The following FHIT variants were observed in gnomAD, a reference collection of about 807,000 sequenced individuals.
The protein encoded by FHIT is fragile histidine triad diadenosine triphosphatase.
Under a neutral mutation model 17.9 loss-of-function variants are expected in FHIT, and 19 were observed. The ratio of observed to expected loss-of-function variants is 1.06; its 90% CI spans 0.74 to 1.56. The LOEUF (loss-of-function observed/expected upper bound fraction) is 1.56, where lower values mean the gene tolerates loss of function less well. Ranked by LOEUF, FHIT falls within the 40% of genes most tolerant of loss-of-function variation. FHIT has a pLI of 0.00. For synonymous variants in FHIT, 81 were observed against 69.7 expected, an observed-to-expected ratio of 1.16 and a Z score of -0.81; for missense variants, 248 against 189.2, an observed-to-expected ratio of 1.31 and a Z score of -1.82.
chr3:60,071,044 C>T (rs1011382723), intron 5 of FHIT, among the ~76,000 whole-genome samples: 4 of 152,182 alleles, frequency 2.6e-5, no homozygotes, highest in Non-Finnish European at 5.9e-5. Flanking sequence ...GTCAGCAAAG[C>T]CCCTTCTTAT....
At chr3:61,027,881 A>C (rs138115379) in intron 3 of FHIT, among the ~76,000 whole-genome samples, 276 of 152,312 alleles carry the variant, frequency 1.8e-3, no homozygotes, top group African/African-American at 6.5e-3. Flanking sequence ...CCTTTATATC[A>C]GTAAAATTAA....
chr3:60,664,569 C>T (rs1271721729), intron 4 of FHIT, among the ~76,000 whole-genome samples: 2 of 151,508 alleles, frequency 1.3e-5, no homozygotes, highest in African/African-American at 2.4e-5. Flanking sequence ...TTTTTTTTAA[C>T]ATTTGGTATA....
chr3:59,749,835 T>G (rs1700789650), intron 9 of FHIT: 1 of 223,808 alleles, frequency 4.5e-6, no homozygotes, highest in Non-Finnish European at 8.9e-6. Context: ...GAGGTATAGT[T>G]AGTCCCATTA....
chr3:60,063,280 G>A (rs781677021), intron 5 of FHIT, among the ~76,000 whole-genome samples: 16 of 151,986 alleles, frequency 1.1e-4, no homozygotes, highest in African/African-American at 2.9e-4. Flanking sequence ...CTGGCAATAC[G>A]GTAAATTTTT....
intron 2 of FHIT, among the ~76,000 whole-genome samples, chr3:61,185,549 A>C (rs1323508553): frequency 2.0e-5 from 3 of 152,168 alleles, no homozygotes; most frequent in Non-Finnish European, 4.4e-5. Context: ...ATCCCAGCCT[A>C]AGGATCCCAT....
At chr3:60,529,803 T>C (rs899765926) in intron 5 of FHIT, among the ~76,000 whole-genome samples, 1 of 152,202 alleles carries the variant, frequency 6.6e-6, no homozygotes, top group Admixed American at 6.5e-5. Context: ...TAAGAAATAT[T>C]TGAAGTGTTG....
intron 3 of FHIT, among the ~76,000 whole-genome samples, chr3:60,840,133 A>C (rs1199809521): frequency 2.0e-5 from 3 of 152,106 alleles, no homozygotes; most frequent in Non-Finnish European, 4.4e-5. Context: ...AAAACAGAAA[A>C]ACAAGCATGA....
chr3:60,289,140 GAAGAAT>G (rs1707863629), intron 5 of FHIT, among the ~76,000 whole-genome samples: 1 of 152,140 alleles, frequency 6.6e-6, no homozygotes, highest in South Asian at 2.1e-4. Context: ...GAGGAGGAAA[GAAGAAT>G]AAGAAGACCA....
At chr3:59,757,254 A>G (rs976468261) in intron 8 of FHIT, among the ~76,000 whole-genome samples, 1 of 152,196 alleles carries the variant, frequency 6.6e-6, no homozygotes, top group African/African-American at 2.4e-5. Context: ...ATTCACATTC[A>G]ACAGACTGAA....
At chr3:60,906,225 T>C (rs1466579715) in intron 3 of FHIT, among the ~76,000 whole-genome samples, 1 of 150,860 alleles carries the variant, frequency 6.6e-6, no homozygotes, top group Non-Finnish European at 1.5e-5. Context: ...GGTATTGATA[T>C]AGTAATTCTG....
intron 5 of FHIT, among the ~76,000 whole-genome samples, chr3:60,218,117 T>C (rs182279624): frequency 2.0e-5 from 3 of 152,272 alleles, no homozygotes; most frequent in African/African-American, 7.2e-5. Context: ...CAAATATCAA[T>C]AGATTTAACA....
At chr3:60,240,066 T>C (rs112243094) in intron 5 of FHIT, among the ~76,000 whole-genome samples, 23 of 152,310 alleles carry the variant, frequency 1.5e-4, no homozygotes, top group African/African-American at 5.3e-4. Flanking sequence ...TATAATACAA[T>C]GTAAACAAGC....
At chr3:60,628,605 A>C (rs1223137908) in intron 4 of FHIT, among the ~76,000 whole-genome samples, 1 of 151,972 alleles carries the variant, frequency 6.6e-6, no homozygotes, top group East Asian at 1.9e-4. Flanking sequence ...ATTTTTCGTT[A>C]CTCCAGGAGG....
intron 2 of FHIT, among the ~76,000 whole-genome samples, chr3:61,049,454 A>C (rs2033943476): frequency 6.6e-6 from 1 of 152,098 alleles, no homozygotes; most frequent in African/African-American, 2.4e-5. Flanking sequence ...CTATATCCAG[A>C]TATAGGAAAC....
At chr3:60,345,673 T>C (rs1710740223) in intron 5 of FHIT, among the ~76,000 whole-genome samples, 1 of 152,194 alleles carries the variant, frequency 6.6e-6, no homozygotes, top group African/African-American at 2.4e-5. Context: ...ATCTTTACCT[T>C]CCATTATGGA....
At chr3:60,929,287 T>A (rs1336065126) in intron 3 of FHIT, among the ~76,000 whole-genome samples, 2 of 152,174 alleles carry the variant, frequency 1.3e-5, no homozygotes, top group African/African-American at 2.4e-5. Flanking sequence ...AAGCACTCCC[T>A]TTGAAAACTG....
chr3:60,571,901 C>T (rs1304749963), intron 4 of FHIT, among the ~76,000 whole-genome samples: 8 of 152,088 alleles, frequency 5.3e-5, no homozygotes, highest in Non-Finnish European at 7.3e-5. Flanking sequence ...TTATTTATGG[C>T]ACAGGAATAG....
chr3:60,142,813 G>A (rs1700096349), intron 5 of FHIT, among the ~76,000 whole-genome samples: 1 of 151,570 alleles, frequency 6.6e-6, no homozygotes, highest in Non-Finnish European at 1.5e-5. Context: ...CTCAGCCACT[G>A]TGCCCAGCAT....
At chr3:60,855,144 CCTT>C (rs1559773524) in intron 3 of FHIT, among the ~76,000 whole-genome samples, 3 of 152,116 alleles carry the variant, frequency 2.0e-5, no homozygotes, top group Non-Finnish European at 4.4e-5. Context: ...AATGTATTCT[CCTT>C]CTTCTCTGAT....
Sources: allele counts gnomAD v4.1 joint callset (sites outside exome capture counted in the v4.1 genomes callset), GRCh38; gene constraint gnomAD v4.1.1; transcripts MANE v1.5; gene names NCBI Gene and HGNC (gene_info 2026-07-23, HGNC 2026-07-21).